The following GOLM2 variants were observed in gnomAD, a reference collection of about 807,000 sequenced individuals.
GOLM2 encodes protein GOLM2.
Under a neutral mutation model 55.9 loss-of-function variants are expected in GOLM2, and 26 were observed. That is an observed-to-expected ratio of 0.47 (90% CI 0.34 to 0.65). The LOEUF (loss-of-function observed/expected upper bound fraction) is 0.65, where lower values mean the gene tolerates loss of function less well. Ranked by LOEUF, GOLM2 falls within the 30% of genes least tolerant of loss-of-function variation. The pLI is 0.01. For synonymous variants in GOLM2, 165 were observed against 194.6 expected (o/e 0.85, Z 1.27); for missense variants, 486 against 531.8 (o/e 0.91, Z 0.85).
chr15:44,295,520 G>T (rs1211091367), intron 1 of GOLM2, among the ~76,000 whole-genome samples: 1 of 152,170 alleles, frequency 6.6e-6, no homozygotes, highest in Non-Finnish European at 1.5e-5. Flanking sequence ...GCCTGGAGGG[G>T]TGTATTAGTT....
intron 1 of GOLM2, among the ~76,000 whole-genome samples, chr15:44,321,766 A>G (rs1247626870): frequency 1.3e-5 from 2 of 152,090 alleles, no homozygotes; most frequent in Non-Finnish European, 2.9e-5. Flanking sequence ...TAAAATAAAA[A>G]GTTTAGGTTG....
chr15:44,349,840 A>G (rs2141158347), intron 6 of GOLM2, among the ~76,000 whole-genome samples: 1 of 152,338 alleles, frequency 6.6e-6, no homozygotes, highest in African/African-American at 2.4e-5. Flanking sequence ...AACAAGAGGC[A>G]TTTTGGGAAC....
At chr15:44,408,705 G>A (rs1034419133) in intron 9 of GOLM2, among the ~76,000 whole-genome samples, 13 of 152,202 alleles carry the variant, frequency 8.5e-5, no homozygotes, top group Non-Finnish European at 1.6e-4. Context: ...AGGGCCAGGC[G>A]CGGTGGTTCA....
At chr15:44,326,450 C>T (rs930602649) in intron 2 of GOLM2, among the ~76,000 whole-genome samples, 2 of 151,474 alleles carry the variant, frequency 1.3e-5, no homozygotes, top group Non-Finnish European at 2.9e-5. Context: ...TTTTATTCTT[C>T]GTTATTGCCA....
chr15:44,304,278 T>C (rs2078820761), intron 1 of GOLM2, among the ~76,000 whole-genome samples: 1 of 145,328 alleles, frequency 6.9e-6, no homozygotes, highest in Non-Finnish European at 1.5e-5. Context: ...GTTTCACTCT[T>C]GTGTCAAGGC....
At chr15:44,392,598 G>A (rs956847935) in intron 8 of GOLM2, among the ~76,000 whole-genome samples, 9 of 151,242 alleles carry the variant, frequency 6.0e-5, no homozygotes, top group Non-Finnish European at 1.0e-4. Context: ...ACTCCAGCCT[G>A]GTGACAAAGC....
intron 1 of GOLM2, among the ~76,000 whole-genome samples, chr15:44,296,839 C>A (rs953663144): frequency 9.9e-5 from 15 of 152,138 alleles, no homozygotes; most frequent in African/African-American, 2.7e-4. Context: ...TAGCTGACTC[C>A]CTAGAGCTTG....
chr15:44,400,623 C>T (rs1289287149), intron 8 of GOLM2, among the ~76,000 whole-genome samples: 2 of 129,900 alleles, frequency 1.5e-5, no homozygotes, highest in Non-Finnish European at 3.1e-5. Context: ...GTCACCCAGG[C>T]TGGAGTACAG....
chr15:44,413,257 A>G (rs1351033674), intron 9 of GOLM2, 79 bp from the exon 10 acceptor site: 4 of 1,012,028 alleles, frequency 4.0e-6, no homozygotes, highest in Non-Finnish European at 4.6e-6. Flanking sequence ...CCTTAAGGCT[A>G]TGAAAAACTG....
intron 1 of GOLM2, among the ~76,000 whole-genome samples, chr15:44,303,020 T>C (rs1188774067): frequency 6.6e-6 from 1 of 151,912 alleles, no homozygotes. Flanking sequence ...GGAGAATCAA[T>C]TGAACCTGGG....
At chr15:44,297,175 G>C (rs758112799) in intron 1 of GOLM2, among the ~76,000 whole-genome samples, 1 of 152,136 alleles carries the variant, frequency 6.6e-6, no homozygotes. Flanking sequence ...TAAAAAAAAC[G>C]TCATTCTGAC....
rs1314321001 is a variant in GOLM2 at position 44,289,016 on chromosome 15, C to G, written c.-14C>G. 6.2e-7 allele frequency: 1 copy of G among 1,608,034 alleles called. No individual in the cohort carries two copies. The highest frequency in any genetic ancestry group is 8.5e-7 in the Non-Finnish European group (1 of 1,176,730). ...CTGCGGCGAGGCCCCTAGGGTACAG[C>G]CCGATTTGGCCCCATGGTGGGTTTC... is the stretch of plus-strand genomic sequence containing the variant. On this transcript the variant is annotated 5_prime_UTR_variant, in exon 1 of 10. Transcript: ENST00000299957. The surrounding 1 kb of genome is among the most constrained non-coding windows in gnomAD (Gnocchi z 4.8).
chr15:44,356,531 T>A (rs1042885975), intron 6 of GOLM2, among the ~76,000 whole-genome samples: 3 of 152,200 alleles, frequency 2.0e-5, no homozygotes, highest in African/African-American at 7.2e-5. Context: ...TACAAAAAGA[T>A]AATCTGAACA....
intron 6 of GOLM2, among the ~76,000 whole-genome samples, chr15:44,347,418 G>C (rs190214036): frequency 2.6e-5 from 4 of 152,298 alleles, no homozygotes; most frequent in African/African-American, 9.6e-5. Flanking sequence ...CCAGGAGTGA[G>C]AGTGCAGTAA....
chr15:44,388,065 T>A (rs1595662797), intron 8 of GOLM2, among the ~76,000 whole-genome samples: 1 of 149,298 alleles, frequency 6.7e-6, no homozygotes, highest in African/African-American at 2.5e-5. Flanking sequence ...GCCTCCTGGG[T>A]TCAAGTGATT....
intron 6 of GOLM2, among the ~76,000 whole-genome samples, chr15:44,358,328 G>C (rs1257022309): frequency 6.6e-6 from 1 of 152,164 alleles, no homozygotes; most frequent in Non-Finnish European, 1.5e-5. Context: ...ACTCCAGCCT[G>C]GGTGACAGAG....
Position 44,337,910 on chromosome 15 carries a change from A to G in GOLM2, c.721+3A>G. 1 of 1,580,196 alleles carries G rather than the reference A, an allele frequency of 6.3e-7. No homozygotes were observed. The highest frequency in any genetic ancestry group is 8.5e-7 in the Non-Finnish European group (1 of 1,170,172). On this transcript the variant is annotated splice_donor_region_variant and intron_variant, in intron 5 of 9. Transcript: ENST00000299957. Reference sequence around the variant, plus strand: ...CAATCATATTCCACATGGGAAAGGTATTATTGTTATTATTCTTTTGTTTTG... The same window carrying G: ...CAATCATATTCCACATGGGAAAGGTGTTATTGTTATTATTCTTTTGTTTTG...
intron 6 of GOLM2, among the ~76,000 whole-genome samples, chr15:44,351,542 A>G (rs2079163599): frequency 1.4e-5 from 2 of 141,670 alleles, no homozygotes; most frequent in Non-Finnish European, 1.5e-5. Context: ...GCGCCGCTAC[A>G]CTCCAGCCTG....
intron 8 of GOLM2, chr15:44,390,444 G>C (rs148529261): frequency 6.6e-6 from 1 of 152,268 alleles, no homozygotes; most frequent in Non-Finnish European, 1.5e-5. Flanking sequence ...TCTCATATTG[G>C]CTTTTCTGTA....
Sources: gnomAD v4.1 joint callset for allele counts (sites outside exome capture counted in the v4.1 genomes callset) on GRCh38, gnomAD v4.1.1 for gene constraint, Gnocchi (gnomAD v3.1) non-coding constraint, MANE v1.5 for transcripts, NCBI Gene and HGNC (gene_info 2026-07-23, HGNC 2026-07-21) for gene names.